DPP6: variants seen among roughly 807,000 people sequenced by gnomAD.
The protein encoded by DPP6 is A-type potassium channel modulatory protein DPP6.
A neutral mutation model predicts 122.6 loss-of-function variants in DPP6; 69 were observed. That is an observed-to-expected ratio of 0.56 (90% CI 0.46 to 0.69). The LOEUF (loss-of-function observed/expected upper bound fraction) is 0.69. DPP6 is among the 30% of genes least tolerant of loss of function. The pLI, the probability that DPP6 is intolerant of heterozygous loss-of-function variation, is 0.00. For missense variants in DPP6, 928 were observed against 1,116.9 expected (o/e 0.83, Z 2.41); for synonymous variants, 418 against 433.1 (o/e 0.97, Z 0.43).
At chr7:154,063,117 G>GGT (rs1429213114) in intron 1 of DPP6, among the ~76,000 whole-genome samples, 2 of 112,298 alleles carry the variant, frequency 1.8e-5, no homozygotes, top group Non-Finnish European at 1.9e-5. Context: ...CCCATCGCAG[G>GGT]GGGGGAGGCA....
chr7:154,074,728 A>C (rs1015771907), intron 1 of DPP6, among the ~76,000 whole-genome samples: 1 of 152,192 alleles, frequency 6.6e-6, no homozygotes, highest in African/African-American at 2.4e-5. Context: ...TAGCCACAGC[A>C]GGGAGGGGAG....
At chr7:154,558,387 A>G (rs1472284844) in intron 4 of DPP6, among the ~76,000 whole-genome samples, 3 of 152,184 alleles carry the variant, frequency 2.0e-5, no homozygotes, top group Non-Finnish European at 4.4e-5. Flanking sequence ...ATTGTCAGGA[A>G]TTATTTAAGT....
intron 16 of DPP6, among the ~76,000 whole-genome samples, chr7:154,817,534 G>A (rs1310023564): frequency 1.3e-5 from 2 of 152,114 alleles, no homozygotes; most frequent in East Asian, 3.9e-4. Flanking sequence ...ATGATATAAT[G>A]AAACATGAGT....
intron 1 of DPP6, among the ~76,000 whole-genome samples, chr7:154,264,549 A>G (rs924395429): frequency 2.6e-5 from 4 of 152,184 alleles, no homozygotes; most frequent in African/African-American, 4.8e-5. Flanking sequence ...TTGTATTATC[A>G]AAAGCTGAGT....
chr7:154,605,645 C>G (rs1416796237), intron 5 of DPP6, among the ~76,000 whole-genome samples: 2 of 119,454 alleles, frequency 1.7e-5, no homozygotes, highest in African/African-American at 5.3e-5. Flanking sequence ...TAGTACTATT[C>G]TCAAAGACCT....
At chr7:154,872,736 G>T (rs763365958) in intron 19 of DPP6, 43 bp downstream of exon 19, 257 of 1,566,198 alleles carry the variant, frequency 1.6e-4, no homozygotes, top group Admixed American at 2.7e-4. Context: ...CTCGTTCTGG[G>T]GCTCCGTGAC....
At chr7:153,910,477 C>G (rs557387703) in intron 1 of DPP6, among the ~76,000 whole-genome samples, 16 of 152,248 alleles carry the variant, frequency 1.1e-4, no homozygotes, top group South Asian at 4.2e-4. Flanking sequence ...CTGGCTGCCT[C>G]TCCAGCCCAG....
Position 154,483,821 on chromosome 7 carries a change from A to C in DPP6, c.457+8784A>C, listed in dbSNP as rs186962164. Among the ~76,000 whole-genome samples, 289 of 152,220 alleles carry C rather than the reference A, an allele frequency of 1.9e-3. 1 individual carries two copies. The highest frequency in any genetic ancestry group is 6.3e-3 in the African/African-American group (263 of 41,546). On this transcript the variant is annotated intron_variant, in intron 3 of 25. Coordinates refer to ENST00000377770, the MANE Select transcript of DPP6 (RefSeq NM_130797.4). The surrounding 1 kb of genome is among the most constrained non-coding windows in gnomAD (Gnocchi z 8.1). Reference sequence around the variant, plus strand: ...GCGATTCTCCTGCCTCAGCCTCCCTAGTAGCTGGGATTACAGGTGCACACC... The same window carrying C: ...GCGATTCTCCTGCCTCAGCCTCCCTCGTAGCTGGGATTACAGGTGCACACC...
At chr7:154,148,717 C>T (rs1237859574) in intron 1 of DPP6, among the ~76,000 whole-genome samples, 3 of 152,298 alleles carry the variant, frequency 2.0e-5, no homozygotes, top group Non-Finnish European at 2.9e-5. Context: ...TTAAAGGAGA[C>T]GTGCTATTTT....
At position 154,755,161 on chromosome 7, in the gene DPP6, A is replaced by AAG. The variant is rs1843601102; in HGVS notation, c.884-14255_884-14254insGA. 6.6e-6 allele frequency among the ~76,000 whole-genome samples: 1 copy of AAG among 151,748 alleles called. No homozygotes were observed. The highest frequency in any genetic ancestry group is 6.6e-5 in the Admixed American group (1 of 15,246). On this transcript the variant is annotated intron_variant, in intron 8 of 25. Transcript: ENST00000377770. The surrounding 1 kb of genome is among the most constrained non-coding windows in gnomAD (Gnocchi z 4.7). Reference sequence around the variant, plus strand: ...AGTAAAATAAATTAAAAAAAAAAAAAAAAGAAACTGAACACATGTCAGGAG... The same window carrying AAG: ...AGTAAAATAAATTAAAAAAAAAAAAAAGAAAGAAACTGAACACATGTCAGGAG...
chr7:153,966,554 CTTTTTTTTTTTTTTTTTT>C lies in DPP6; in HGVS notation c.51+78836_51+78853del, dbSNP rs753840054. The stretch of plus-strand genomic sequence containing the variant: ...AATTAAACGGTCTGTCCTGTGTTGG[CTTTTTTTTTTTTTTTTTT>C]TTTTTTTTTTTTTTTACTGCATATA... On this transcript the variant is annotated intron_variant, in intron 1 of 25. Transcript: ENST00000404039. 8.9e-3 allele frequency among the ~76,000 whole-genome samples: 368 copies of C among 41,366 alleles called. 27 individuals carry two copies. The highest frequency in any genetic ancestry group is 0.011 in the Non-Finnish European group (300 of 26,574). 27.1% of individuals were successfully genotyped at this position (41,366 alleles called of 152,430 possible).
intron 12 of DPP6, among the ~76,000 whole-genome samples, chr7:154,797,444 A>C (rs1175468362): frequency 6.6e-6 from 1 of 152,228 alleles, no homozygotes; most frequent in Non-Finnish European, 1.5e-5. Context: ...GAACTGAAAT[A>C]GTATTCCAGT....
At chr7:154,153,618 G>A (rs1450011700) in intron 1 of DPP6, among the ~76,000 whole-genome samples, 1 of 152,170 alleles carries the variant, frequency 6.6e-6, no homozygotes, top group Non-Finnish European at 1.5e-5. Context: ...GTCATTTTCT[G>A]ACCACAGTAA....
the DPP6 span, among the ~76,000 whole-genome samples, chr7:153,819,861 TTTG>T: frequency 1.3e-5 from 2 of 152,206 alleles, no homozygotes; most frequent in Admixed American, 1.3e-4. Context: ...CTGCAGCTTT[TTTG>T]TTTGTTTTTG....
At chr7:154,513,048 A>G (rs982920158) in intron 3 of DPP6, among the ~76,000 whole-genome samples, 2 of 152,190 alleles carry the variant, frequency 1.3e-5, no homozygotes, top group African/African-American at 4.8e-5. Context: ...GCATCCTTCC[A>G]GTAATCTAAA....
chr7:154,783,312 A>G (rs1315982736), intron 10 of DPP6, among the ~76,000 whole-genome samples: 1 of 152,172 alleles, frequency 6.6e-6, no homozygotes, highest in Non-Finnish European at 1.5e-5. Context: ...CAGCTCACAC[A>G]GGACGGGCAG....
the DPP6 span, among the ~76,000 whole-genome samples, chr7:153,854,260 A>T: frequency 5.9e-5 from 9 of 152,146 alleles, no homozygotes; most frequent in East Asian, 1.2e-3. Flanking sequence ...CTTGTAGTAT[A>T]GTTTGAAGTC....
intron 7 of DPP6, among the ~76,000 whole-genome samples, chr7:154,727,306 C>A (rs1842112550): frequency 6.6e-6 from 1 of 152,136 alleles, no homozygotes; most frequent in South Asian, 2.1e-4. Context: ...GAAGAGAGCA[C>A]AGGGGGAGGG....
intron 3 of DPP6, among the ~76,000 whole-genome samples, chr7:154,508,269 A>G (rs1210887824): frequency 6.6e-6 from 1 of 152,056 alleles, no homozygotes; most frequent in African/African-American, 2.4e-5. Context: ...CTGCCCAGAC[A>G]CTACACTAAT....
Sources: gnomAD v4.1 joint callset for allele counts (sites outside exome capture counted in the v4.1 genomes callset) on GRCh38, gnomAD v4.1.1 for gene constraint, Gnocchi (gnomAD v3.1) non-coding constraint, MANE v1.5 for transcripts, NCBI Gene and HGNC (gene_info 2026-07-23, HGNC 2026-07-21) for gene names.